Variants in PER3 observed in about 807,000 individuals in gnomAD.
The protein encoded by PER3 is period circadian protein homolog 3.
A neutral mutation model predicts 127.2 loss-of-function variants in PER3; 107 were observed. The observed-to-expected ratio is 0.84, with a 90% CI of 0.72 to 0.99. The LOEUF (loss-of-function observed/expected upper bound fraction) is 0.99. PER3 is among the 50% of genes least tolerant of loss of function. The pLI is 0.00. For missense variants in PER3, 1,560 were observed against 1,525.8 expected, an observed-to-expected ratio of 1.02 and a Z score of -0.37; for synonymous variants, 618 against 585.8, an observed-to-expected ratio of 1.05 and a Z score of -0.79.
At chr1:7,819,071 A>T (rs1230862407) in intron 13 of PER3, among the ~76,000 whole-genome samples, 1 of 152,198 alleles carries the variant, frequency 6.6e-6, no homozygotes, top group Non-Finnish European at 1.5e-5. Flanking sequence ...TAGCCATTCT[A>T]TGTGTAATGT....
chr1:7,809,940 C>T lies in PER3; in HGVS notation c.1290C>T (p.Ser430=), dbSNP rs150817500. The part of the protein sequence containing the change: ...VSSGYGSLGS[S]GSQEQLVSIA... ...GCGGCTACGGGAGCCTGGGGAGCAGCGGGTCGCAGGAGCAGCTTGTCAGCA... is the reference window on the plus strand; with the variant it reads ...GCGGCTACGGGAGCCTGGGGAGCAGTGGGTCGCAGGAGCAGCTTGTCAGCA... The change falls in exon 12 of 22, where the codon AGC becomes AGT. Residue 430 remains serine, a synonymous_variant. Transcript: ENST00000377532. 7.1e-5 allele frequency: 114 copies of T among 1,613,794 alleles called. 1 individual carries two copies. The highest frequency in any genetic ancestry group is 5.3e-4 in the South Asian group (48 of 91,080).
Position 7,819,397 on chromosome 1 carries a change from C to T in PER3, c.1635C>T (p.Ile545=). The change falls in exon 14 of 22, where the codon ATC becomes ATT. Residue 545 remains isoleucine (I), a synonymous_variant. Coordinates refer to ENST00000377532, the MANE Select transcript of PER3 (RefSeq NM_001377275.1). ...NDEHSPSYQQ[I]NCIDSVIRYL... is the part of the protein sequence containing the mutation. ...AGCACAGCCCATCCTATCAACAGAT[C>T]AACTGTATCGACAGTGTCATCAGGT... is the stretch of plus-strand genomic sequence containing the variant. 1.2e-6 allele frequency: 2 copies of T among 1,614,044 alleles called. No individual in the cohort carries two copies. Among genetic ancestry groups the T allele is most frequent in the Non-Finnish European group, 1.7e-6 (2 of 1,179,906 alleles).
chr1:7,784,647 C>T lies in PER3; in HGVS notation c.-224-7C>T, dbSNP rs2097076345. The T allele has an allele frequency of 1.6e-5, 7 of 429,746 alleles. No homozygotes were observed. Among genetic ancestry groups the T allele is most frequent in the Admixed American group, 4.6e-5 (1 of 21,970 alleles). The allele number at this position is 429,746 out of a possible 1,614,324, so 26.6% of individuals were successfully genotyped here. ...TGTCCCTTGTCACCCTTGTCTCCTC[C>T]CCCTAGGCCGGAGTCCTGAAAGTCG... On this transcript the variant is annotated splice_region_variant and splice_polypyrimidine_tract_variant and intron_variant, in intron 1 of 21. Transcript: ENST00000377532.
At chr1:7,824,473 G>C (rs1472846083) in intron 16 of PER3, among the ~76,000 whole-genome samples, 2 of 151,456 alleles carry the variant, frequency 1.3e-5, no homozygotes, top group Non-Finnish European at 2.9e-5. Context: ...TTGACTGTTA[G>C]GTCTTTTGTC....
At position 7,844,313 on chromosome 1, in the gene PER3, T is replaced by G. The variant is rs2097402830; in HGVS notation, c.*1558T>G. On this transcript the variant is annotated 3_prime_UTR_variant, in exon 22 of 22. Coordinates refer to ENST00000377532, the MANE Select transcript of PER3 (RefSeq NM_001377275.1). ...AAGCAGTTCCATGCAAATATTCGTG[T>G]TTTATAAATAGCTCTCATAGTCTGC... The G allele has an allele frequency of 6.3e-6, 1 of 157,834 alleles. No homozygotes were observed. Among genetic ancestry groups the G allele is most frequent in the Non-Finnish European group, 1.4e-5 (1 of 71,714 alleles). 9.8% of individuals were successfully genotyped at this position (157,834 alleles called of 1,614,324 possible).
rs375818157 is a variant in PER3, at chr1:7,785,510, C to G, written c.198C>G (p.Phe66Leu). 4.6e-5 allele frequency: 74 copies of G among 1,610,386 alleles called. No homozygotes were observed. The South Asian group carries it at 7.5e-4, about 16-fold the overall frequency. ...TTGTCCAAGAAATGAAAAAATACTT[C>G]CCCTCGGAGAGACGCAATAAACCAA... ...IMVVQEMKKY[F>L]PSERRNKPST... Residue 66 changes from phenylalanine to leucine, a missense_variant, in exon 3 of 22, where the codon TTC (phenylalanine) becomes TTG (leucine). By Grantham distance (22) the Phe-to-Leu change is conservative (BLOSUM62 0). This residue lies in a region of PER3 where 1,332 missense variants were observed against 1,223.6 expected (regional missense o/e 1.09). Transcript: ENST00000377532.
intron 21 of PER3, among the ~76,000 whole-genome samples, chr1:7,838,250 A>G (rs1344158644): frequency 1.3e-5 from 2 of 152,188 alleles, no homozygotes; most frequent in Non-Finnish European, 2.9e-5. Flanking sequence ...TTTTAAGTAT[A>G]TAATTCAAGA....
intron 9 of PER3, 41 bp from the exon 10 acceptor site, chr1:7,803,651 G>T (rs2097180300): frequency 1.6e-6 from 2 of 1,277,220 alleles, no homozygotes; most frequent in African/African-American, 3.0e-5. Context: ...ATCAGTATCT[G>T]TGTTAAGTAA....
chr1:7,807,936 A>G (rs538472028), intron 10 of PER3, among the ~76,000 whole-genome samples: 1 of 152,328 alleles, frequency 6.6e-6, no homozygotes, highest in African/African-American at 2.4e-5. Flanking sequence ...CTTCTATGTT[A>G]TAAAAACTAG....
At position 7,842,722 on chromosome 1, in the gene PER3, C is replaced by T; in HGVS notation, c.3600C>T (p.Ser1200=). Residue 1200 remains serine (S), a synonymous_variant, in exon 22 of 22, where the codon TCC becomes TCT. Transcript: ENST00000377532. ...NEDSADGAAT[S]CGQVLVEDSC is the part of the protein sequence containing the mutation. ...ATTCAGCTGATGGTGCGGCCACATCCTGTGGTCAGGTTCTGGTAGAAGACA... is the reference window on the plus strand; with the variant it reads ...ATTCAGCTGATGGTGCGGCCACATCTTGTGGTCAGGTTCTGGTAGAAGACA... The T allele has an allele frequency of 5.0e-6, 8 of 1,613,284 alleles. No homozygotes were observed. Among genetic ancestry groups the T allele is most frequent in the Non-Finnish European group, 5.9e-6 (7 of 1,179,380 alleles).
chr1:7,820,025 A>C, intron 14 of PER3, 90 bp from the exon 15 acceptor site: 1 of 1,325,438 alleles, frequency 7.5e-7, no homozygotes, highest in Non-Finnish European at 1.1e-6. Flanking sequence ...AAAGTATGCC[A>C]AACATAAGTG....
At chr1:7,818,543 T>C (rs1297471741) in intron 13 of PER3, among the ~76,000 whole-genome samples, 2 of 152,204 alleles carry the variant, frequency 1.3e-5, no homozygotes, top group East Asian at 1.9e-4. Context: ...TTTTCTGTTA[T>C]CTTTCCAGCT....
At chr1:7,800,936 G>A (rs1033926673) in intron 7 of PER3, among the ~76,000 whole-genome samples, 177 bp from the exon 8 acceptor site, 1 of 152,012 alleles carries the variant, frequency 6.6e-6, no homozygotes, top group African/African-American at 2.4e-5. Context: ...AATGTAGTTA[G>A]TAATGAAATT....
Position 7,820,646 on chromosome 1 carries a change from A to G in PER3, c.1957+6A>G. Reference sequence around the variant, plus strand: ...TGTCCCACCCCCAGAGACAGGTACCACACTCGCCTCTTACTTTGAAAATAT... The same window carrying G: ...TGTCCCACCCCCAGAGACAGGTACCGCACTCGCCTCTTACTTTGAAAATAT... On this transcript the variant is annotated splice_donor_region_variant and intron_variant, in intron 16 of 21. Transcript: ENST00000377532. 1.3e-6 allele frequency: 2 copies of G among 1,593,952 alleles called. No homozygotes were observed. Among genetic ancestry groups the G allele is most frequent in the Non-Finnish European group, 8.6e-7 (1 of 1,169,458 alleles).
chr1:7,785,425 T>C lies in PER3; in HGVS notation c.129-16T>C. 6.2e-7 allele frequency: 1 copy of C among 1,604,922 alleles called. No homozygotes were observed. Among genetic ancestry groups the C allele is most frequent in the Non-Finnish European group, 8.5e-7 (1 of 1,172,812 alleles). On this transcript the variant is annotated splice_polypyrimidine_tract_variant and intron_variant, in intron 2 of 21. Transcript: ENST00000377532. ...GTCTTCAGAGGATGAAGTTGTAATT[T>C]TTTTTTATCTTCCAGTGAACAGCAA... is the stretch of plus-strand genomic sequence containing the variant.
At chr1:7,817,609 CCA>C (rs1180422534) in intron 13 of PER3, among the ~76,000 whole-genome samples, 1 of 152,128 alleles carries the variant, frequency 6.6e-6, no homozygotes, top group Non-Finnish European at 1.5e-5. Context: ...ATCAGGAAAG[CCA>C]CACAAAGCAG....
At chr1:7,797,913 C>T (rs2097153194) in intron 6 of PER3, among the ~76,000 whole-genome samples, 1 of 152,164 alleles carries the variant, frequency 6.6e-6, no homozygotes, top group Admixed American at 6.5e-5. Context: ...GCCTCCCCTG[C>T]CGAGAGGTTC....
chr1:7,830,297 AGGTATATTGG>A, intron 19 of PER3, 136 bp downstream of exon 19: 1 of 730,118 alleles, frequency 1.4e-6, no homozygotes, highest in Non-Finnish European at 2.2e-6. Flanking sequence ...CCTTTTTGTC[AGGTATATTGG>A]GGTATATTTA....
intron 13 of PER3, among the ~76,000 whole-genome samples, chr1:7,816,753 A>G (rs2097253534): frequency 6.6e-6 from 1 of 152,240 alleles, no homozygotes; most frequent in African/African-American, 2.4e-5. Flanking sequence ...CCACTTTGGG[A>G]AAGTTTGACA....
Sources: allele counts gnomAD v4.1 joint callset (sites outside exome capture counted in the v4.1 genomes callset), GRCh38; gene constraint gnomAD v4.1.1; regional missense constraint gnomAD v4.1.1; transcripts MANE v1.5; gene names NCBI Gene and HGNC (gene_info 2026-07-23, HGNC 2026-07-21).